SLC24A2: variants seen among roughly 807,000 people sequenced by gnomAD.
The protein encoded by SLC24A2 is solute carrier family 24 member 2, also known as sodium/potassium/calcium exchanger 2.
SLC24A2 carries 36 observed loss-of-function variants against 62.0 expected under a neutral mutation model. That is an observed-to-expected ratio of 0.58 (90% CI 0.44 to 0.77). The LOEUF is 0.77. SLC24A2 is among the 30% of genes least tolerant of loss of function. The pLI, the probability that SLC24A2 is intolerant of heterozygous loss-of-function variation, is 0.00. For synonymous variants in SLC24A2, 358 were observed against 294.0 expected (o/e 1.22, Z -2.23); for missense variants, 846 against 817.9 (o/e 1.03, Z -0.42).
chr9:19,734,883 G>A (rs1821456956), intron 2 of SLC24A2, among the ~76,000 whole-genome samples: 1 of 152,040 alleles, frequency 6.6e-6, no homozygotes, highest in African/African-American at 2.4e-5. Context: ...AGACTTAAAT[G>A]TTAGACCTAA....
At chr9:20,230,367 C>G in the SLC24A2 span, among the ~76,000 whole-genome samples, 226 of 152,264 alleles carry the variant, frequency 1.5e-3, 2 homozygotes, top group African/African-American at 5.1e-3. Flanking sequence ...AAAAGTGTTC[C>G]TATTTCTCCA....
At chr9:20,270,137 G>C in the SLC24A2 span, among the ~76,000 whole-genome samples, 1 of 152,036 alleles carries the variant, frequency 6.6e-6, no homozygotes, top group African/African-American at 2.4e-5. Flanking sequence ...GTCAGAGAGC[G>C]AGCTCATTCA....
the SLC24A2 span, among the ~76,000 whole-genome samples, chr9:20,016,282 T>A: frequency 6.6e-6 from 1 of 152,184 alleles, no homozygotes; most frequent in Non-Finnish European, 1.5e-5. Flanking sequence ...AGGAAAAACA[T>A]GAAAATGTAA....
chr9:19,782,923 G>A (rs898851408), intron 2 of SLC24A2, among the ~76,000 whole-genome samples: 4 of 152,104 alleles, frequency 2.6e-5, no homozygotes, highest in Non-Finnish European at 4.4e-5. Flanking sequence ...TTGAGTTAAA[G>A]CCCCAGGGTC....
chr9:20,277,249 A>AC, the SLC24A2 span, among the ~76,000 whole-genome samples: 3 of 152,310 alleles, frequency 2.0e-5, no homozygotes, highest in Non-Finnish European at 4.4e-5. Flanking sequence ...ATCTAATTAA[A>AC]TAAAGAGCTT....
At chr9:19,535,786 C>T (rs1833937359) in intron 8 of SLC24A2, among the ~76,000 whole-genome samples, 1 of 152,108 alleles carries the variant, frequency 6.6e-6, no homozygotes, top group Non-Finnish European at 1.5e-5. Context: ...TGTGATGCCT[C>T]CAGCTTTGTT....
chr9:19,884,956 G>T, the SLC24A2 span, among the ~76,000 whole-genome samples: 1 of 152,162 alleles, frequency 6.6e-6, no homozygotes, highest in Non-Finnish European at 1.5e-5. Context: ...CACACGGTAA[G>T]TTGAGGAGCA....
chr9:20,243,296 G>C, the SLC24A2 span, among the ~76,000 whole-genome samples: 2 of 152,142 alleles, frequency 1.3e-5, no homozygotes, highest in African/African-American at 4.8e-5. Flanking sequence ...CTCTTCTCAT[G>C]AGACTATCAT....
At chr9:19,994,962 A>G in the SLC24A2 span, among the ~76,000 whole-genome samples, 1 of 152,136 alleles carries the variant, frequency 6.6e-6, no homozygotes, top group Non-Finnish European at 1.5e-5. Flanking sequence ...GACTAAAACA[A>G]CACCCTTTAC....
the SLC24A2 span, among the ~76,000 whole-genome samples, chr9:20,164,557 A>G: frequency 0.4 from 58,929 of 148,680 alleles, 12,628 homozygotes; most frequent in Middle Eastern, 0.57. Context: ...TAGTTCAACC[A>G]TTGTGGAAGT....
chr9:19,947,458 AAGGC>A, the SLC24A2 span, among the ~76,000 whole-genome samples: 2 of 146,566 alleles, frequency 1.4e-5, no homozygotes, highest in Non-Finnish European at 3.1e-5. Context: ...GAAAGAAAGA[AAGGC>A]AGGAAGGCAG....
At chr9:19,550,841 G>A (rs925509374) in intron 7 of SLC24A2, among the ~76,000 whole-genome samples, 1 of 151,890 alleles carries the variant, frequency 6.6e-6, no homozygotes, top group African/African-American at 2.4e-5. Context: ...TTGTGTAGTT[G>A]TGAGTTTTTT....
intron 2 of SLC24A2, among the ~76,000 whole-genome samples, chr9:19,784,083 C>A (rs189753150): frequency 4.6e-5 from 7 of 152,266 alleles, no homozygotes; most frequent in African/African-American, 1.4e-4. Flanking sequence ...TAAGGGATGA[C>A]AACCTGAATT....
chr9:19,894,840 A>G, the SLC24A2 span, among the ~76,000 whole-genome samples: 1 of 152,194 alleles, frequency 6.6e-6, no homozygotes, highest in African/African-American at 2.4e-5. Flanking sequence ...CTCTTTGAGG[A>G]ATGGCCTAAG....
At chr9:19,549,105 G>T (rs76568381) in intron 8 of SLC24A2, among the ~76,000 whole-genome samples, 4 of 152,138 alleles carry the variant, frequency 2.6e-5, no homozygotes, top group African/African-American at 9.7e-5. Context: ...ATGTTGTTGC[G>T]TTCGGAGCAC....
intron 8 of SLC24A2, among the ~76,000 whole-genome samples, chr9:19,535,634 G>C (rs944006535): frequency 4.5e-4 from 69 of 152,212 alleles, no homozygotes; most frequent in African/African-American, 1.7e-3. Context: ...TCTTGTTTTT[G>C]TCAGGTTTGT....
chr9:20,040,720 G>T, the SLC24A2 span, among the ~76,000 whole-genome samples: 2 of 152,188 alleles, frequency 1.3e-5, no homozygotes, highest in Non-Finnish European at 2.9e-5. Flanking sequence ...CATCAGTGAA[G>T]ATGCATCATG....
chr9:20,159,418 C>T, the SLC24A2 span, among the ~76,000 whole-genome samples: 10 of 151,614 alleles, frequency 6.6e-5, 1 homozygote, highest in Admixed American at 4.0e-4. Context: ...ACCCTTGGCC[C>T]CAGAAACCAA....
At chr9:19,936,140 A>G in the SLC24A2 span, among the ~76,000 whole-genome samples, 4 of 152,154 alleles carry the variant, frequency 2.6e-5, no homozygotes, top group Non-Finnish European at 5.9e-5. Context: ...CCACCGTGAT[A>G]CCAGAGGCCT....
Sources: allele counts gnomAD v4.1 joint callset (sites outside exome capture counted in the v4.1 genomes callset), GRCh38; gene constraint gnomAD v4.1.1; transcripts MANE v1.5; gene names NCBI Gene and HGNC (gene_info 2026-07-23, HGNC 2026-07-21).